Variants in SH3BP4 observed in about 807,000 individuals in gnomAD.
SH3BP4 encodes the protein SH3 domain-binding protein 4.
SH3BP4 carries 33 observed loss-of-function variants against 65.5 expected under a neutral mutation model. The observed-to-expected ratio is 0.50, with a 90% CI of 0.38 to 0.67. The LOEUF (loss-of-function observed/expected upper bound fraction) is 0.67. SH3BP4 is among the 30% of genes least tolerant of loss of function. SH3BP4 has a pLI of 0.00. For missense variants in SH3BP4, 1,134 were observed against 1,261.4 expected (o/e 0.90, Z 1.53); for synonymous variants, 552 against 545.5 (o/e 1.01, Z -0.17).
intron 4 of SH3BP4, among the ~76,000 whole-genome samples, chr2:235,049,742 T>C (rs1047721968): frequency 3.9e-5 from 6 of 152,186 alleles, no homozygotes; most frequent in African/African-American, 1.4e-4. Flanking sequence ...TCCAGACCGG[T>C]ATTACATTTG....
chr2:234,972,997 C>T (rs1230600395), intron 1 of SH3BP4, among the ~76,000 whole-genome samples: 2 of 152,186 alleles, frequency 1.3e-5, no homozygotes, highest in African/African-American at 4.8e-5. Context: ...CTCAAGCCTC[C>T]TGGTGACTCT....
At chr2:235,015,085 G>A (rs1694647194) in intron 2 of SH3BP4, among the ~76,000 whole-genome samples, 1 of 152,154 alleles carries the variant, frequency 6.6e-6, no homozygotes, top group Admixed American at 6.6e-5. Flanking sequence ...TTCACTATGC[G>A]CAGCCCATAG....
Position 235,047,583 on chromosome 2 carries a change from C to T in SH3BP4, c.2478+4336C>T, listed in dbSNP as rs541164389. 7.2e-5 allele frequency among the ~76,000 whole-genome samples: 11 copies of T among 152,332 alleles called. 1 individual carries two copies. Among genetic ancestry groups the T allele is most frequent in the African/African-American group, 2.6e-4 (11 of 41,588 alleles). On this transcript the variant is annotated intron_variant, in intron 4 of 5. Transcript: ENST00000392011. ...TTCCCAATTCTCGGGATACTGTCAG[C>T]ACTCGGCACATGGTCTCTGTTATGG...
intron 4 of SH3BP4, among the ~76,000 whole-genome samples, chr2:235,047,830 C>T (rs1049174251): frequency 2.0e-4 from 30 of 151,918 alleles, no homozygotes; most frequent in Non-Finnish European, 1.9e-4. Context: ...GGTCAAGTTG[C>T]GGGAGGTAGG....
At chr2:234,966,384 A>G (rs1692838884) in intron 1 of SH3BP4, among the ~76,000 whole-genome samples, 2 of 152,170 alleles carry the variant, frequency 1.3e-5, no homozygotes, top group African/African-American at 4.8e-5. Context: ...AATGATAATT[A>G]AAAAAAGAGG....
chr2:235,025,252 G>A (rs989980692), intron 2 of SH3BP4, among the ~76,000 whole-genome samples: 3 of 152,156 alleles, frequency 2.0e-5, no homozygotes, highest in Non-Finnish European at 2.9e-5. Flanking sequence ...GGGTGAGGGC[G>A]GGGAAGGAAG....
rs117170569 is a variant in SH3BP4 at position 235,025,131 on chromosome 2, G to A, written c.-132-9740G>A. ...GGCCAGCCTTCCCATGTGATTCAAG[G>A]GGGCTGACAGCAGCCCATTGCCACA... On this transcript the variant is annotated intron_variant, in intron 2 of 5. Coordinates refer to ENST00000392011, the MANE Select transcript of SH3BP4 (RefSeq NM_014521.3). Among the ~76,000 whole-genome samples, 114 of 152,238 alleles carry A rather than the reference G, an allele frequency of 7.5e-4. 2 individuals are homozygous for A. In the East Asian group the frequency reaches 0.02, roughly 27 times the overall value.
chr2:235,023,479 G>A (rs766709961), intron 2 of SH3BP4, among the ~76,000 whole-genome samples: 2 of 152,128 alleles, frequency 1.3e-5, no homozygotes, highest in Non-Finnish European at 2.9e-5. Context: ...CCCGGGTGGT[G>A]GGGGTTGCAG....
chr2:235,019,325 C>A (rs546778703), intron 2 of SH3BP4, among the ~76,000 whole-genome samples: 119 of 151,512 alleles, frequency 7.9e-4, no homozygotes, highest in African/African-American at 2.8e-3. Context: ...AATACACTGG[C>A]GATCACACTG....
At chr2:235,023,374 C>T (rs767008795) in intron 2 of SH3BP4, among the ~76,000 whole-genome samples, 17 of 152,136 alleles carry the variant, frequency 1.1e-4, no homozygotes, top group Non-Finnish European at 2.1e-4. Context: ...TAGTGAAACC[C>T]TGTCTGTATT....
At chr2:235,021,340 G>A (rs1694841355) in intron 2 of SH3BP4, among the ~76,000 whole-genome samples, 1 of 152,112 alleles carries the variant, frequency 6.6e-6, no homozygotes, top group Non-Finnish European at 1.5e-5. Context: ...AGGGCCGGGT[G>A]TAGTGGCTCA....
intron 2 of SH3BP4, among the ~76,000 whole-genome samples, chr2:235,016,084 G>T (rs1326129817): frequency 6.9e-6 from 1 of 145,830 alleles, no homozygotes; most frequent in African/African-American, 2.5e-5. Flanking sequence ...CCCCACCCAG[G>T]GATATTAAAT....
At chr2:235,032,884 G>A (rs1695250202) in intron 2 of SH3BP4, among the ~76,000 whole-genome samples, 1 of 152,146 alleles carries the variant, frequency 6.6e-6, no homozygotes, top group South Asian at 2.1e-4. Flanking sequence ...CCGGGAATAG[G>A]GAATAAGCAC....
chr2:235,043,355 A>G (rs1423622783), intron 4 of SH3BP4, 108 bp downstream of exon 4: 11 of 793,288 alleles, frequency 1.4e-5, no homozygotes, highest in Non-Finnish European at 2.2e-5. Context: ...TCACCAGGAC[A>G]GTGTCTGTGG....
chr2:234,957,260 C>T (rs369893703), intron 1 of SH3BP4, among the ~76,000 whole-genome samples: 33 of 152,226 alleles, frequency 2.2e-4, no homozygotes, highest in Middle Eastern at 6.8e-3. Context: ...CTCAGGTGAA[C>T]GGCCCAGCTT....
intron 1 of SH3BP4, among the ~76,000 whole-genome samples, chr2:234,987,055 A>C (rs1041169660): frequency 6.7e-5 from 10 of 149,252 alleles, no homozygotes; most frequent in African/African-American, 2.5e-4. Flanking sequence ...TACAGGCATG[A>C]GCCACCCCGC....
At chr2:235,027,289 G>A (rs1171172216) in intron 2 of SH3BP4, among the ~76,000 whole-genome samples, 13 of 152,242 alleles carry the variant, frequency 8.5e-5, no homozygotes, top group African/African-American at 3.1e-4. Flanking sequence ...TGTTAACCCC[G>A]TGGTCTCCTC....
At chr2:235,001,591 G>A (rs976867438) in intron 2 of SH3BP4, among the ~76,000 whole-genome samples, 4 of 152,128 alleles carry the variant, frequency 2.6e-5, no homozygotes, top group African/African-American at 9.7e-5. Flanking sequence ...GGGAAGACCT[G>A]GCTTCTGAAA....
intron 1 of SH3BP4, among the ~76,000 whole-genome samples, chr2:234,954,490 T>G (rs1247679636): frequency 6.6e-6 from 1 of 152,192 alleles, no homozygotes; most frequent in Non-Finnish European, 1.5e-5. Context: ...GAAAGTGGGC[T>G]GAAAAAAATG....
Sources: allele counts gnomAD v4.1 joint callset (sites outside exome capture counted in the v4.1 genomes callset), GRCh38; gene constraint gnomAD v4.1.1; transcripts MANE v1.5; gene names NCBI Gene and HGNC (gene_info 2026-07-23, HGNC 2026-07-21).